FHIT: variants seen among roughly 807,000 people sequenced by gnomAD.
The protein encoded by FHIT is fragile histidine triad diadenosine triphosphatase.
In FHIT, 19 loss-of-function variants were observed where a neutral mutation model predicts 17.9. The observed-to-expected ratio is 1.06, with a 90% CI of 0.74 to 1.56. The LOEUF (loss-of-function observed/expected upper bound fraction) is 1.56, where lower values mean the gene tolerates loss of function less well. Ranked by LOEUF, FHIT falls within the 40% of genes most tolerant of loss-of-function variation. The pLI, the probability that FHIT is intolerant of heterozygous loss-of-function variation, is 0.00. For synonymous variants in FHIT, 81 were observed against 69.7 expected (o/e 1.16, Z -0.81); for missense variants, 248 against 189.2 (o/e 1.31, Z -1.82).
chr3:60,615,999 C>G lies in FHIT; in HGVS notation c.-17-79020G>C, dbSNP rs76668706. Among the ~76,000 whole-genome samples the G allele has an allele frequency of 9.0e-3, 1,375 of 152,286 alleles. 29 individuals carry two copies. Among genetic ancestry groups the G allele is most frequent in the African/African-American group, 0.031 (1,302 of 41,554 alleles). On this transcript the variant is annotated intron_variant, in intron 4 of 9. Transcript: ENST00000492590. ...CTCATTGCTGTACATTGAGAGATGTCCCTGCTTTCCTTATCGAAACTCTGA... is the reference window on the plus strand; with the variant it reads ...CTCATTGCTGTACATTGAGAGATGTGCCTGCTTTCCTTATCGAAACTCTGA...
At chr3:60,088,792 G>C (rs995274816) in intron 5 of FHIT, among the ~76,000 whole-genome samples, 27 of 152,054 alleles carry the variant, frequency 1.8e-4, no homozygotes, top group African/African-American at 6.5e-4. Context: ...TAATTAATTG[G>C]ATAAGAAACT....
At chr3:60,232,189 C>T (rs1352515750) in intron 5 of FHIT, among the ~76,000 whole-genome samples, 1 of 152,112 alleles carries the variant, frequency 6.6e-6, no homozygotes, top group Non-Finnish European at 1.5e-5. Context: ...TTTTTCAAGT[C>T]CTGCATCATA....
intron 3 of FHIT, among the ~76,000 whole-genome samples, chr3:60,973,940 G>C (rs1233373999): frequency 6.6e-6 from 1 of 152,146 alleles, no homozygotes; most frequent in Admixed American, 6.5e-5. Context: ...ATTAAAAATA[G>C]CACCTGCATT....
At chr3:60,532,234 G>A (rs1448544993) in intron 5 of FHIT, among the ~76,000 whole-genome samples, 2 of 152,176 alleles carry the variant, frequency 1.3e-5, no homozygotes, top group Admixed American at 6.5e-5. Context: ...TCATGTTGCA[G>A]CTCCTTATGC....
chr3:61,191,285 A>T (rs2038709302), intron 2 of FHIT, among the ~76,000 whole-genome samples: 1 of 152,066 alleles, frequency 6.6e-6, no homozygotes, highest in Admixed American at 6.6e-5. Flanking sequence ...ACAGAAGAAA[A>T]GGAGGAGAAT....
At chr3:61,248,011 G>C (rs1266232064) in intron 1 of FHIT, among the ~76,000 whole-genome samples, 1 of 152,190 alleles carries the variant, frequency 6.6e-6, no homozygotes, top group Non-Finnish European at 1.5e-5. Flanking sequence ...TTACTATATA[G>C]ATCACTTTCT....
intron 5 of FHIT, among the ~76,000 whole-genome samples, chr3:60,172,369 G>A (rs965500049): frequency 6.6e-6 from 1 of 151,860 alleles, no homozygotes; most frequent in African/African-American, 2.4e-5. Context: ...AGGTTTGAGT[G>A]ATTCTCCTGC....
intron 5 of FHIT, among the ~76,000 whole-genome samples, chr3:60,057,446 C>A (rs1575995325): frequency 6.6e-6 from 1 of 152,056 alleles, no homozygotes; most frequent in African/African-American, 2.4e-5. Context: ...TAGGTCCATA[C>A]AATGGAATAT....
At chr3:60,505,930 C>G (rs973733984) in intron 5 of FHIT, among the ~76,000 whole-genome samples, 1 of 152,148 alleles carries the variant, frequency 6.6e-6, no homozygotes, top group Non-Finnish European at 1.5e-5. Context: ...CAAATATGGC[C>G]TCCTCATGCC....
intron 4 of FHIT, among the ~76,000 whole-genome samples, chr3:60,802,592 C>G (rs2106670450): frequency 6.6e-6 from 1 of 152,186 alleles, no homozygotes. Context: ...CTCGATTTTG[C>G]CTCAATATTT....
At chr3:59,962,078 A>T (rs660050) in intron 7 of FHIT, among the ~76,000 whole-genome samples, 1 of 152,212 alleles carries the variant, frequency 6.6e-6, no homozygotes, top group African/African-American at 2.4e-5. Flanking sequence ...AGAAATGAAC[A>T]CCATAGAGAT....
At chr3:60,129,211 T>A (rs916977325) in intron 5 of FHIT, among the ~76,000 whole-genome samples, 12 of 151,866 alleles carry the variant, frequency 7.9e-5, no homozygotes, top group African/African-American at 2.9e-4. Context: ...TGCCACCACA[T>A]CCAGCTAATT....
intron 5 of FHIT, among the ~76,000 whole-genome samples, chr3:60,340,065 G>T (rs1576501100): frequency 6.6e-6 from 1 of 151,014 alleles, no homozygotes; most frequent in Non-Finnish European, 1.5e-5. Flanking sequence ...TTTTATGGAG[G>T]GGTGTTTAAT....
chr3:60,672,908 C>T (rs78227515), intron 4 of FHIT, among the ~76,000 whole-genome samples: 15 of 14,504 alleles, frequency 1.0e-3, no homozygotes, highest in Admixed American at 6.0e-3. Flanking sequence ...TGTGTGTGTG[C>T]ATGCATGCTC....
intron 5 of FHIT, among the ~76,000 whole-genome samples, chr3:60,275,121 A>C (rs1559780310): frequency 6.6e-6 from 1 of 152,008 alleles, no homozygotes; most frequent in Non-Finnish European, 1.5e-5. Flanking sequence ...TAACTAGAAA[A>C]ATTTTTTGTC....
intron 3 of FHIT, among the ~76,000 whole-genome samples, chr3:60,884,724 A>G (rs1323230355): frequency 3.3e-5 from 5 of 151,910 alleles, no homozygotes; most frequent in African/African-American, 1.2e-4. Context: ...TGAGCCCAGG[A>G]GTTTGAGACC....
intron 7 of FHIT, among the ~76,000 whole-genome samples, chr3:59,989,231 G>A (rs956479890): frequency 2.6e-5 from 4 of 152,034 alleles, no homozygotes; most frequent in Admixed American, 2.6e-4. Flanking sequence ...TAGCATATGA[G>A]GAAACTGAGC....
intron 5 of FHIT, among the ~76,000 whole-genome samples, chr3:60,284,843 A>G (rs1707644670): frequency 6.6e-6 from 1 of 152,124 alleles, no homozygotes; most frequent in Non-Finnish European, 1.5e-5. Flanking sequence ...TCAATACTGT[A>G]CTAGAATTTT....
At chr3:59,956,903 T>C (rs185118516) in intron 7 of FHIT, among the ~76,000 whole-genome samples, 11 of 152,344 alleles carry the variant, frequency 7.2e-5, no homozygotes, top group African/African-American at 2.6e-4. Context: ...GCACTCTCCA[T>C]TACTCTAACC....
Sources: gnomAD v4.1 joint callset for allele counts (sites outside exome capture counted in the v4.1 genomes callset) on GRCh38, gnomAD v4.1.1 for gene constraint, MANE v1.5 for transcripts, NCBI Gene and HGNC (gene_info 2026-07-23, HGNC 2026-07-21) for gene names.